Variants in HTR1E observed in about 807,000 individuals in gnomAD.
HTR1E encodes 5-HT-1E.
HTR1E carries 3 observed loss-of-function variants against 3.4 expected under a neutral mutation model. The ratio of observed to expected loss-of-function variants is 0.89; its 90% CI spans 0.41 to 2.31. The LOEUF is 2.31. HTR1E is among the 30% of genes most tolerant of loss of function. The pLI is 0.05. For missense variants in HTR1E, 392 were observed against 467.0 expected (o/e 0.84, Z 1.48); for synonymous variants, 170 against 182.8 (o/e 0.93, Z 0.56).
At chr6:86,979,316 T>C (rs1189560191) in intron 1 of HTR1E, among the ~76,000 whole-genome samples, 4 of 152,238 alleles carry the variant, frequency 2.6e-5, no homozygotes, top group Admixed American at 2.0e-4. Flanking sequence ...AAATTTGTTA[T>C]GTATGTGTAT....
At chr6:86,958,372 A>G (rs979845264) in intron 1 of HTR1E, among the ~76,000 whole-genome samples, 2 of 152,064 alleles carry the variant, frequency 1.3e-5, no homozygotes, top group Non-Finnish European at 2.9e-5. Flanking sequence ...CCTATACTCA[A>G]ATGCCAGCTC....
intron 1 of HTR1E, among the ~76,000 whole-genome samples, chr6:87,003,134 T>C (rs1313378699): frequency 1.3e-5 from 2 of 152,172 alleles, no homozygotes; most frequent in Non-Finnish European, 2.9e-5. Flanking sequence ...CTTCTCTGGC[T>C]AAAATGGAAT....
At chr6:87,009,477 G>C (rs986846767) in intron 1 of HTR1E, among the ~76,000 whole-genome samples, 4 of 151,646 alleles carry the variant, frequency 2.6e-5, no homozygotes, top group South Asian at 4.2e-4. Context: ...ACACAGACAC[G>C]GCAACCATCC....
At chr6:86,977,046 A>G (rs1401808856) in intron 1 of HTR1E, among the ~76,000 whole-genome samples, 1 of 152,142 alleles carries the variant, frequency 6.6e-6, no homozygotes, top group Non-Finnish European at 1.5e-5. Context: ...AAACCTCGGT[A>G]TGGTGCCAAT....
chr6:86,940,447 G>A (rs1768530756), intron 1 of HTR1E, among the ~76,000 whole-genome samples: 1 of 152,080 alleles, frequency 6.6e-6, no homozygotes, highest in African/African-American at 2.4e-5. Context: ...GAAGTGAGAG[G>A]ATCGCTTGAG....
intron 1 of HTR1E, among the ~76,000 whole-genome samples, chr6:86,957,517 T>C (rs1237416000): frequency 6.6e-6 from 1 of 152,206 alleles, no homozygotes; most frequent in Non-Finnish European, 1.5e-5. Flanking sequence ...AGATGAGCTT[T>C]CCCTTACACT....
Position 87,015,225 on chromosome 6 carries a change from G to T in HTR1E, c.-110G>T. 1.1e-6 allele frequency: 1 copy of T among 931,826 alleles called. No homozygotes were observed. The highest frequency in any genetic ancestry group is 2.8e-5 in the East Asian group (1 of 35,352). 57.7% of individuals were successfully genotyped at this position (931,826 alleles called of 1,614,324 possible). A position where few individuals can be genotyped will look rare whatever the true frequency, so the allele number is the denominator to read the frequency against. ...ATGGAACACAAGAGACCACATAGCT[G>T]AACAAATTATAGCCTCCTTACAAGT... On this transcript the variant is annotated 5_prime_UTR_variant, in exon 2 of 2. The change abolishes the stop of an existing upstream ORF in the 5' untranslated region. Coordinates refer to ENST00000305344, the MANE Select transcript of HTR1E (RefSeq NM_000865.3).
At chr6:86,946,968 T>A (rs578144391) in intron 1 of HTR1E, among the ~76,000 whole-genome samples, 17 of 152,206 alleles carry the variant, frequency 1.1e-4, no homozygotes, top group African/African-American at 2.6e-4. Context: ...AATACAAAAT[T>A]AGCCATGCGT....
intron 1 of HTR1E, among the ~76,000 whole-genome samples, chr6:86,941,759 T>C (rs774886085): frequency 4.6e-5 from 7 of 152,016 alleles, no homozygotes; most frequent in Non-Finnish European, 8.8e-5. Flanking sequence ...GAGAAATAGC[T>C]ACCAGCAGCA....
At chr6:87,010,431 A>C (rs1227995625) in intron 1 of HTR1E, among the ~76,000 whole-genome samples, 176 of 135,676 alleles carry the variant, frequency 1.3e-3, no homozygotes, top group East Asian at 2.1e-3. Flanking sequence ...ACTTCCCAGT[A>C]GGGGCGACCG....
chr6:86,944,199 AAC>A (rs1768584060), intron 1 of HTR1E, among the ~76,000 whole-genome samples: 1 of 152,228 alleles, frequency 6.6e-6, no homozygotes, highest in Non-Finnish European at 1.5e-5. Context: ...GTCTTTTTGT[AAC>A]CTGATATCAG....
In HTR1E at chr6:87,016,092, CCA is replaced by C. The variant is rs774731448; in HGVS notation, c.761_762del (p.Thr254ArgfsTer3). 1 of 1,614,144 alleles carries C rather than the reference CCA, an allele frequency of 6.2e-7. No individual in the cohort carries two copies. Among genetic ancestry groups the C allele is most frequent in the Non-Finnish European group, 8.5e-7 (1 of 1,180,002 alleles). ...TCTGACTTCTCCACCTCAGACCCTACCACAGAGTTTGAAAAGTTCCATGCCTC... is the reference window on the plus strand; with the variant it reads ...TCTGACTTCTCCACCTCAGACCCTACCAGAGTTTGAAAAGTTCCATGCCTC... On this transcript the variant is annotated frameshift_variant, in exon 2 of 2. Coordinates refer to ENST00000305344, the MANE Select transcript of HTR1E (RefSeq NM_000865.3). LOFTEE classifies it low-confidence loss of function (END_TRUNC).
chr6:86,994,842 G>C (rs1426123013), intron 1 of HTR1E, among the ~76,000 whole-genome samples: 1 of 152,152 alleles, frequency 6.6e-6, no homozygotes, highest in Middle Eastern at 3.2e-3. Flanking sequence ...TAAATGGAAA[G>C]AGGGTAAAAT....
Position 87,015,857 on chromosome 6 carries a change from A to T in HTR1E, c.523A>T (p.Ile175Phe), listed in dbSNP as rs1475271869. The change falls in exon 2 of 2, where the codon ATC (isoleucine) becomes TTC (phenylalanine). Residue 175 changes from isoleucine (I) to phenylalanine (F), a missense_variant. Physicochemically the swap from Ile to Phe is conservative, Grantham distance 21. Coordinates refer to ENST00000305344, the MANE Select transcript of HTR1E (RefSeq NM_000865.3). ...AAGCCCTCCCCCTAGTCAGTGCACC[A>T]TCCAGCACGACCATGTTATCTACAC... is the stretch of plus-strand genomic sequence containing the variant. ...RLSPPPSQCT[I>F]QHDHVIYTIY... The T allele has an allele frequency of 6.2e-7, 1 of 1,612,502 alleles. No homozygotes were observed. The highest frequency in any genetic ancestry group is 2.2e-5 in the East Asian group (1 of 44,770).
At chr6:86,980,573 G>A (rs563249672) in intron 1 of HTR1E, among the ~76,000 whole-genome samples, 1 of 151,998 alleles carries the variant, frequency 6.6e-6, no homozygotes, top group African/African-American at 2.4e-5. Flanking sequence ...GCAAAGATGT[G>A]TATTTCAGAA....
chr6:87,003,191 A>G (rs1489419345), intron 1 of HTR1E, among the ~76,000 whole-genome samples: 2 of 152,212 alleles, frequency 1.3e-5, no homozygotes, highest in Non-Finnish European at 2.9e-5. Flanking sequence ...CCATACAAAC[A>G]CATGGAAATT....
At chr6:86,968,171 A>G (rs538173968) in intron 1 of HTR1E, among the ~76,000 whole-genome samples, 6 of 152,346 alleles carry the variant, frequency 3.9e-5, no homozygotes, top group South Asian at 4.1e-4. Flanking sequence ...TATTCCATAT[A>G]TAAGTGTACC....
At chr6:86,971,168 C>T (rs762903534) in intron 1 of HTR1E, 93 of 492,900 alleles carry the variant, frequency 1.9e-4, no homozygotes, top group Non-Finnish European at 4.8e-5. Flanking sequence ...ACCAGATCAA[C>T]AGGCCTATTA....
intron 1 of HTR1E, among the ~76,000 whole-genome samples, chr6:86,990,499 G>A (rs1006853099): frequency 6.6e-6 from 1 of 152,166 alleles, no homozygotes; most frequent in Admixed American, 6.6e-5. Context: ...AAATGGTTCA[G>A]CAGGAACTAA....
Sources: allele counts gnomAD v4.1 joint callset (sites outside exome capture counted in the v4.1 genomes callset), GRCh38; gene constraint gnomAD v4.1.1; transcripts MANE v1.5; gene names NCBI Gene and HGNC (gene_info 2026-07-23, HGNC 2026-07-21).